Variants in CHCHD3 observed in about 807,000 individuals in gnomAD.
CHCHD3 encodes the protein MICOS complex subunit MIC19.
A neutral mutation model predicts 38.2 loss-of-function variants in CHCHD3; 20 were observed. That is an observed-to-expected ratio of 0.52 (90% CI 0.37 to 0.76). The LOEUF is 0.76. Among genes scored for constraint, CHCHD3 ranks in the 30% least tolerant of loss-of-function variants. The pLI is 0.00. For synonymous variants in CHCHD3, 82 were observed against 100.0 expected (o/e 0.82, Z 1.07); for missense variants, 245 against 279.2 (o/e 0.88, Z 0.87).
chr7:133,080,796 G>GA (rs1480888384), intron 1 of CHCHD3, among the ~76,000 whole-genome samples: 1 of 152,050 alleles, frequency 6.6e-6, no homozygotes, highest in Admixed American at 6.5e-5. Context: ...AGTTTCAGAA[G>GA]AAAAAGTTTT....
intron 6 of CHCHD3, among the ~76,000 whole-genome samples, chr7:132,812,804 C>A (rs552887017): frequency 1.3e-5 from 2 of 152,296 alleles, no homozygotes; most frequent in East Asian, 3.9e-4. Flanking sequence ...CAAGATGTAA[C>A]CCCTGCCTCC....
chr7:133,055,517 TA>T (rs1814299025), intron 2 of CHCHD3, among the ~76,000 whole-genome samples: 1 of 142,120 alleles, frequency 7.0e-6, no homozygotes, highest in Non-Finnish European at 1.5e-5. Context: ...AATTATAATA[TA>T]ATTGTTACAT....
intron 1 of CHCHD3, among the ~76,000 whole-genome samples, chr7:133,072,161 C>A (rs1357494237): frequency 2.2e-5 from 3 of 135,668 alleles, no homozygotes; most frequent in South Asian, 2.5e-4. Flanking sequence ...CAGAGCAAGA[C>A]CCTATCTAGA....
At chr7:132,983,632 ATTGT>A (rs1480353120) in intron 3 of CHCHD3, among the ~76,000 whole-genome samples, 4 of 152,158 alleles carry the variant, frequency 2.6e-5, no homozygotes, top group African/African-American at 9.7e-5. Flanking sequence ...TGTATTTTTC[ATTGT>A]TTATTACAAT....
chr7:133,020,562 G>GAAGTGTACATGA (rs1321023903), intron 3 of CHCHD3, among the ~76,000 whole-genome samples: 1 of 152,210 alleles, frequency 6.6e-6, no homozygotes, highest in Non-Finnish European at 1.5e-5. Flanking sequence ...TACATGGACT[G>GAAGTGTACATGA]CATTTTATCA....
intron 4 of CHCHD3, among the ~76,000 whole-genome samples, chr7:132,956,020 G>C (rs1811156081): frequency 6.6e-6 from 1 of 152,190 alleles, no homozygotes; most frequent in Admixed American, 6.5e-5. Context: ...ATTTAACAGA[G>C]CCTGACTAAA....
chr7:132,915,955 A>AT (rs10708335), intron 4 of CHCHD3, among the ~76,000 whole-genome samples: 3,175 of 145,020 alleles, frequency 0.022, 33 homozygotes, highest in Non-Finnish European at 0.03. Context: ...TAATAAAAAA[A>AT]TTTTTTTTTT....
At chr7:132,964,719 T>C (rs1811413477) in intron 4 of CHCHD3, among the ~76,000 whole-genome samples, 1 of 152,210 alleles carries the variant, frequency 6.6e-6, no homozygotes, top group Non-Finnish European at 1.5e-5. Context: ...ATGGCAAACT[T>C]TCTTTAAATA....
intron 2 of CHCHD3, among the ~76,000 whole-genome samples, chr7:133,027,065 G>C (rs1376764910): frequency 6.6e-6 from 1 of 151,826 alleles, no homozygotes; most frequent in Admixed American, 6.6e-5. Context: ...AGCCTCCCGA[G>C]TAGCTGGGAT....
At chr7:132,874,605 G>A (rs1808851535) in intron 5 of CHCHD3, among the ~76,000 whole-genome samples, 1 of 152,096 alleles carries the variant, frequency 6.6e-6, no homozygotes, top group African/African-American at 2.4e-5. Context: ...TCCATTGGTG[G>A]CATGCTACTG....
chr7:132,985,523 C>T (rs536635201), intron 3 of CHCHD3, among the ~76,000 whole-genome samples: 4,739 of 49,558 alleles, frequency 0.096, 1,598 homozygotes, highest in Non-Finnish European at 0.12. Flanking sequence ...GCCCCCGGCC[C>T]GGCCAGCCGC....
At chr7:132,962,298 T>C (rs1337239487) in intron 4 of CHCHD3, among the ~76,000 whole-genome samples, 1 of 152,220 alleles carries the variant, frequency 6.6e-6, no homozygotes, top group Non-Finnish European at 1.5e-5. Context: ...AAAATTACTT[T>C]ATAAAAACTC....
At chr7:132,971,172 T>C (rs2117324911) in intron 4 of CHCHD3, among the ~76,000 whole-genome samples, 1 of 152,328 alleles carries the variant, frequency 6.6e-6, no homozygotes, top group East Asian at 1.9e-4. Flanking sequence ...GCATTAACTT[T>C]ACAAATTCCC....
intron 4 of CHCHD3, among the ~76,000 whole-genome samples, chr7:132,954,483 C>A (rs1034796058): frequency 2.6e-5 from 4 of 152,148 alleles, no homozygotes; most frequent in Non-Finnish European, 5.9e-5. Flanking sequence ...GACACAGGGT[C>A]AGGGATTATC....
At chr7:133,047,085 G>A (rs1306220423) in intron 2 of CHCHD3, among the ~76,000 whole-genome samples, 1 of 152,152 alleles carries the variant, frequency 6.6e-6, no homozygotes, top group Non-Finnish European at 1.5e-5. Flanking sequence ...ACGAGCTGCT[G>A]GGATATGCTA....
intron 6 of CHCHD3, among the ~76,000 whole-genome samples, chr7:132,812,432 C>T (rs1807096359): frequency 6.6e-6 from 1 of 151,978 alleles, no homozygotes; most frequent in Non-Finnish European, 1.5e-5. Context: ...TGGTCTCAAA[C>T]TCTTGACCTC....
chr7:133,026,077 A>G (rs1252337683), intron 2 of CHCHD3, among the ~76,000 whole-genome samples: 2 of 152,226 alleles, frequency 1.3e-5, no homozygotes, highest in Non-Finnish European at 2.9e-5. Context: ...AAAGCTAAAA[A>G]GCCCTCAGAA....
intron 4 of CHCHD3, among the ~76,000 whole-genome samples, chr7:132,942,807 G>A (rs1810801237): frequency 6.6e-6 from 1 of 152,192 alleles, no homozygotes; most frequent in African/African-American, 2.4e-5. Context: ...ATGAAGAAGA[G>A]TTGGCTACAA....
rs1208921515 is a variant in CHCHD3, at chr7:133,015,382, A to AAATAAATAAATG, written c.251+9163_251+9164insCATTTATTTATT. Among the ~76,000 whole-genome samples the AAATAAATAAATG allele has an allele frequency of 2.0e-4, 30 of 150,554 alleles. No individual in the cohort carries two copies. In the South Asian group the frequency reaches 5.9e-3, roughly 29 times the overall value. On this transcript the variant is annotated intron_variant, in intron 3 of 7. Transcript: ENST00000262570. ...TAAATAAATAAATAAATAAATAAATAAATGTCAGGTATAGCCTACACAACA... is the reference window on the plus strand; with the variant it reads ...TAAATAAATAAATAAATAAATAAATAAATAAATAAATGAATGTCAGGTATAGCCTACACAACA...
Sources: gnomAD v4.1 joint callset for allele counts (sites outside exome capture counted in the v4.1 genomes callset) on GRCh38, gnomAD v4.1.1 for gene constraint, MANE v1.5 for transcripts, NCBI Gene and HGNC (gene_info 2026-07-23, HGNC 2026-07-21) for gene names.